CAMKMT: variants seen among roughly 807,000 people sequenced by gnomAD.
CAMKMT encodes CaM KMT.
A neutral mutation model predicts 48.0 loss-of-function variants in CAMKMT; 53 were observed. The observed-to-expected ratio is 1.10, with a 90% CI of 0.89 to 1.39. The LOEUF is 1.39. CAMKMT is among the 40% of genes most tolerant of loss of function. The probability of loss-of-function intolerance (pLI) is 0.00; values close to 1 mark genes in which losing one functional copy is unlikely to be tolerated. For missense variants in CAMKMT, 428 were observed against 402.7 expected, an observed-to-expected ratio of 1.06 and a Z score of -0.54; for synonymous variants, 165 against 152.3, an observed-to-expected ratio of 1.08 and a Z score of -0.61.
chr2:44,739,256 G>C (rs942059530), intron 7 of CAMKMT, among the ~76,000 whole-genome samples: 3 of 152,232 alleles, frequency 2.0e-5, no homozygotes, highest in Non-Finnish European at 4.4e-5. Flanking sequence ...AAATAATTCA[G>C]ATGAGAGATG....
At chr2:44,767,925 C>G (rs1295758921) in intron 10 of CAMKMT, among the ~76,000 whole-genome samples, 1 of 152,138 alleles carries the variant, frequency 6.6e-6, no homozygotes, top group Non-Finnish European at 1.5e-5. Context: ...TTTTAGTTTC[C>G]CAGTGACAGC....
At chr2:44,400,641 C>T (rs1572766452) in intron 3 of CAMKMT, 2 of 151,922 alleles carry the variant, frequency 1.3e-5, no homozygotes, top group South Asian at 4.1e-4. Context: ...AAAAATTCAA[C>T]AAGTTAATCA....
intron 9 of CAMKMT, among the ~76,000 whole-genome samples, chr2:44,758,485 G>A (rs1438185990): frequency 6.6e-6 from 1 of 152,166 alleles, no homozygotes; most frequent in Non-Finnish European, 1.5e-5. Flanking sequence ...CACCTGAAAT[G>A]CAGGCTTTCC....
chr2:44,412,871 T>C (rs1014310606), intron 3 of CAMKMT, among the ~76,000 whole-genome samples: 5 of 150,808 alleles, frequency 3.3e-5, no homozygotes, highest in African/African-American at 1.2e-4. Context: ...AGGTCAGGAG[T>C]TTGAGACCAG....
At chr2:44,428,595 A>G (rs1067364) in intron 3 of CAMKMT, among the ~76,000 whole-genome samples, 91,081 of 152,170 alleles carry the variant, frequency 0.6, 29,898 homozygotes, top group South Asian at 0.81. Flanking sequence ...CCTCCTGTCC[A>G]TATCAATAGA....
intron 3 of CAMKMT, among the ~76,000 whole-genome samples, chr2:44,649,407 A>T (rs1038434886): frequency 1.3e-5 from 2 of 152,080 alleles, no homozygotes; most frequent in African/African-American, 4.8e-5. Flanking sequence ...GATAATTGCA[A>T]TATGATGTGA....
chr2:44,559,020 T>A (rs186171057), intron 3 of CAMKMT, among the ~76,000 whole-genome samples: 506 of 152,162 alleles, frequency 3.3e-3, no homozygotes, highest in African/African-American at 0.012. Context: ...CAGACAGACA[T>A]TATCTGTCTA....
intron 3 of CAMKMT, among the ~76,000 whole-genome samples, chr2:44,671,549 C>A (rs1675326383): frequency 6.6e-6 from 1 of 152,232 alleles, no homozygotes; most frequent in South Asian, 2.1e-4. Context: ...GTGGCCTCCA[C>A]TCACCATGCC....
intron 7 of CAMKMT, among the ~76,000 whole-genome samples, chr2:44,725,062 T>C (rs931257941): frequency 1.3e-5 from 2 of 152,008 alleles, no homozygotes; most frequent in Non-Finnish European, 2.9e-5. Flanking sequence ...AGCTGAGAAA[T>C]ATTAGTTCCA....
chr2:44,694,902 G>A (rs1421151348), intron 3 of CAMKMT, among the ~76,000 whole-genome samples: 2 of 152,200 alleles, frequency 1.3e-5, no homozygotes, highest in African/African-American at 4.8e-5. Context: ...GGATGAAGGA[G>A]GCCTTTCCTC....
intron 3 of CAMKMT, among the ~76,000 whole-genome samples, chr2:44,483,563 G>A (rs1464631654): frequency 3.3e-5 from 5 of 152,082 alleles, no homozygotes; most frequent in East Asian, 1.9e-4. Context: ...TCTAATTTTA[G>A]ACCATTGTAC....
intron 3 of CAMKMT, among the ~76,000 whole-genome samples, chr2:44,457,498 A>G (rs1161851319): frequency 1.3e-5 from 2 of 151,104 alleles, no homozygotes; most frequent in Non-Finnish European, 2.9e-5. Flanking sequence ...CCCCGGGTTC[A>G]AGCGATTCTC....
chr2:44,421,988 C>T (rs905742369), intron 3 of CAMKMT, among the ~76,000 whole-genome samples: 1 of 152,072 alleles, frequency 6.6e-6, no homozygotes, highest in Non-Finnish European at 1.5e-5. Flanking sequence ...CAGGCTAGGC[C>T]CAGGAACCTC....
intron 3 of CAMKMT, among the ~76,000 whole-genome samples, chr2:44,616,029 G>A (rs748574045): frequency 1.4e-4 from 22 of 152,116 alleles, no homozygotes; most frequent in Non-Finnish European, 2.9e-5. Context: ...AGCCAACCGT[G>A]CACTTCAAAA....
At chr2:44,436,274 C>T (rs1450215051) in intron 3 of CAMKMT, among the ~76,000 whole-genome samples, 3 of 152,112 alleles carry the variant, frequency 2.0e-5, no homozygotes, top group Non-Finnish European at 4.4e-5. Context: ...GACAGGGTTT[C>T]ACCATGTTGG....
intron 3 of CAMKMT, among the ~76,000 whole-genome samples, chr2:44,520,900 T>C (rs1456862671): frequency 6.6e-6 from 1 of 152,178 alleles, no homozygotes; most frequent in Non-Finnish European, 1.5e-5. Context: ...CTCCTGCCGC[T>C]CTGTGAAGAG....
chr2:44,763,173 A>G (rs1284675327), intron 9 of CAMKMT, among the ~76,000 whole-genome samples: 1 of 152,142 alleles, frequency 6.6e-6, no homozygotes, highest in South Asian at 2.1e-4. Context: ...TTTCCATCCT[A>G]ACTATTAATC....
Position 44,743,700 on chromosome 2 carries a change from A to C in CAMKMT, c.698+4A>C. Reference sequence around the variant, plus strand: ...ACATTGTTATGTGTGCTGACTGGTAAGTACATAAAAATCACAAAACTCCTG... The same window carrying C: ...ACATTGTTATGTGTGCTGACTGGTACGTACATAAAAATCACAAAACTCCTG... On this transcript the variant is annotated splice_donor_region_variant and intron_variant, in intron 8 of 10. Transcript: ENST00000378494. 4 of 1,607,896 alleles carry C rather than the reference A, an allele frequency of 2.5e-6. No homozygotes were observed. Among genetic ancestry groups the C allele is most frequent in the Non-Finnish European group, 3.4e-6 (4 of 1,175,798 alleles).
intron 3 of CAMKMT, among the ~76,000 whole-genome samples, chr2:44,620,120 C>G (rs1323225041): frequency 6.6e-6 from 1 of 152,100 alleles, no homozygotes; most frequent in Admixed American, 6.5e-5. Context: ...AAAGACTTAG[C>G]AATAATTTCT....
Sources: allele counts gnomAD v4.1 joint callset (sites outside exome capture counted in the v4.1 genomes callset), GRCh38; gene constraint gnomAD v4.1.1; transcripts MANE v1.5; gene names NCBI Gene and HGNC (gene_info 2026-07-23, HGNC 2026-07-21).